Variants in KCNMA1 observed in about 807,000 individuals in gnomAD.
The protein encoded by KCNMA1 is Calcium-activated potassium channel subunit alpha-1.
A neutral mutation model predicts 140.0 loss-of-function variants in KCNMA1; 29 were observed. The ratio of observed to expected loss-of-function variants is 0.21; its 90% CI spans 0.15 to 0.28. KCNMA1 has a LOEUF of 0.28. Among genes scored for constraint, KCNMA1 ranks in the 10% least tolerant of loss-of-function variants. The pLI is 1.00. For synonymous variants in KCNMA1, 612 were observed against 611.9 expected (o/e 1.00, Z 0.00); for missense variants, 880 against 1,602.2 (o/e 0.55, Z 7.70).
intron 1 of KCNMA1, among the ~76,000 whole-genome samples, chr10:77,405,129 A>C (rs561527992): frequency 6.6e-6 from 1 of 152,208 alleles, no homozygotes; most frequent in Non-Finnish European, 1.5e-5. Context: ...CTTTGCATAC[A>C]GTGAGTGTTC....
At chr10:77,609,700 C>T (rs963838428) in intron 1 of KCNMA1, among the ~76,000 whole-genome samples, 1 of 151,818 alleles carries the variant, frequency 6.6e-6, no homozygotes, top group African/African-American at 2.4e-5. Context: ...ATACAATAAA[C>T]AAGTACAATT....
At chr10:77,120,631 C>T (rs1374937968) in intron 6 of KCNMA1, among the ~76,000 whole-genome samples, 1 of 152,138 alleles carries the variant, frequency 6.6e-6, no homozygotes, top group Non-Finnish European at 1.5e-5. Flanking sequence ...AATCAATGAG[C>T]AAATCTATCC....
chr10:77,405,408 A>T (rs2096439049), intron 1 of KCNMA1, among the ~76,000 whole-genome samples: 1 of 152,232 alleles, frequency 6.6e-6, no homozygotes, highest in Admixed American at 6.5e-5. Flanking sequence ...GAGTTGGCTC[A>T]ATAACCATGA....
At chr10:77,451,831 C>A (rs1488305832) in intron 1 of KCNMA1, among the ~76,000 whole-genome samples, 1 of 152,130 alleles carries the variant, frequency 6.6e-6, no homozygotes, top group Non-Finnish European at 1.5e-5. Context: ...CAATTACAAA[C>A]CTGCAGGAAA....
chr10:77,122,920 T>C (rs2097648328), intron 5 of KCNMA1, among the ~76,000 whole-genome samples: 1 of 152,068 alleles, frequency 6.6e-6, no homozygotes, highest in Non-Finnish European at 1.5e-5. Context: ...GGCTCATGCC[T>C]GTAATCCCAG....
rs34224383 is a variant in KCNMA1 at position 77,296,918 on chromosome 10, G to GGGA, written c.541-45663_541-45662insTCC. 1.4e-3 allele frequency among the ~76,000 whole-genome samples: 206 copies of GGGA among 144,680 alleles called. 3 individuals carry two copies. The highest frequency in any genetic ancestry group is 1.9e-3 in the Admixed American group (27 of 14,146). 94.9% of individuals were successfully genotyped at this position (144,680 alleles called of 152,430 possible). On this transcript the variant is annotated intron_variant, in intron 2 of 27. Coordinates refer to ENST00000286628, the MANE Select transcript of KCNMA1 (RefSeq NM_001161352.2). ...GAATGCCTGGGTGTGTGGGCGGGGG[G>GGGA]GCGGTGGGGGAATGTAGAGAAGAAC...
At chr10:77,122,616 C>A (rs563811983) in intron 5 of KCNMA1, among the ~76,000 whole-genome samples, 1 of 151,912 alleles carries the variant, frequency 6.6e-6, no homozygotes, top group Non-Finnish European at 1.5e-5. Flanking sequence ...GAGATCCAAC[C>A]CATGGATAAA....
intron 22 of KCNMA1, chr10:76,948,870 G>C: frequency 1.9e-6 from 1 of 521,264 alleles, no homozygotes; most frequent in South Asian, 2.1e-5. Flanking sequence ...GCAGGAGTGA[G>C]AGTGTTTAGA....
At chr10:77,265,057 T>C (rs2063054413) in intron 2 of KCNMA1, among the ~76,000 whole-genome samples, 2 of 152,022 alleles carry the variant, frequency 1.3e-5, no homozygotes, top group Admixed American at 1.3e-4. Flanking sequence ...AAAGACTCTT[T>C]TTTTTTTTTC....
chr10:77,012,503 G>A (rs2091045761), intron 17 of KCNMA1: 1 of 1,550,154 alleles, frequency 6.5e-7, no homozygotes, highest in Non-Finnish European at 8.7e-7. Flanking sequence ...TATCAAGCTT[G>A]TCACTCTGAA....
intron 2 of KCNMA1, among the ~76,000 whole-genome samples, chr10:77,312,129 G>C (rs901270763): frequency 6.6e-6 from 1 of 152,242 alleles, no homozygotes; most frequent in African/African-American, 2.4e-5. Flanking sequence ...GGTATGAAGA[G>C]TGCTAGGGTG....
At chr10:77,515,112 CAT>C in intron 1 of KCNMA1, among the ~76,000 whole-genome samples, 1 of 152,222 alleles carries the variant, frequency 6.6e-6, no homozygotes. Flanking sequence ...CACAATCCTA[CAT>C]GTTTGCTTCC....
intron 1 of KCNMA1, among the ~76,000 whole-genome samples, chr10:77,411,743 T>C (rs1007621864): frequency 1.3e-5 from 2 of 152,214 alleles, no homozygotes; most frequent in Non-Finnish European, 2.9e-5. Context: ...CCTGTGCCTA[T>C]GGAGGGCAGT....
chr10:77,171,269 C>T (rs1246560369), intron 5 of KCNMA1, among the ~76,000 whole-genome samples: 2 of 152,158 alleles, frequency 1.3e-5, no homozygotes, highest in Non-Finnish European at 2.9e-5. Context: ...GACTCTGGTG[C>T]ACTCAAAGTT....
At chr10:77,502,524 G>C (rs1011694519) in intron 1 of KCNMA1, among the ~76,000 whole-genome samples, 24 of 152,084 alleles carry the variant, frequency 1.6e-4, no homozygotes, top group African/African-American at 5.6e-4. Context: ...AGAAATCAGA[G>C]CTCAGATTGA....
intron 19 of KCNMA1, among the ~76,000 whole-genome samples, chr10:76,999,332 C>G (rs2085424849): frequency 1.3e-5 from 2 of 152,160 alleles, no homozygotes; most frequent in South Asian, 4.1e-4. Flanking sequence ...ACCAAGGGGC[C>G]CTAGCTCAGA....
chr10:77,113,710 C>T (rs536011928), intron 6 of KCNMA1, among the ~76,000 whole-genome samples: 3 of 152,216 alleles, frequency 2.0e-5, no homozygotes, highest in African/African-American at 4.8e-5. Flanking sequence ...GTGATCTGCC[C>T]GCCTTGGCCT....
At chr10:77,326,441 A>T (rs968032560) in intron 2 of KCNMA1, among the ~76,000 whole-genome samples, 3 of 152,234 alleles carry the variant, frequency 2.0e-5, no homozygotes, top group Non-Finnish European at 4.4e-5. Flanking sequence ...ATGATGCAAT[A>T]TAAATAAAGC....
chr10:77,401,137 CA>C (rs2154460666), intron 2 of KCNMA1, among the ~76,000 whole-genome samples: 1 of 148,842 alleles, frequency 6.7e-6, no homozygotes, highest in South Asian at 2.2e-4. Flanking sequence ...CCTTGTTCTA[CA>C]AACTTCAAAA....
Sources: allele counts gnomAD v4.1 joint callset (sites outside exome capture counted in the v4.1 genomes callset), GRCh38; gene constraint gnomAD v4.1.1; transcripts MANE v1.5; gene names NCBI Gene and HGNC (gene_info 2026-07-23, HGNC 2026-07-21).